The following SREK1 variants were observed in gnomAD, a reference collection of about 807,000 sequenced individuals.
The protein encoded by SREK1 is splicing regulatory glutamic acid and lysine rich protein 1, also known as splicing regulatory glutamine/lysine-rich protein 1.
SREK1 carries 13 observed loss-of-function variants against 66.5 expected under a neutral mutation model. That is an observed-to-expected ratio of 0.20 (90% CI 0.13 to 0.31). The LOEUF (loss-of-function observed/expected upper bound fraction) is 0.31, where lower values mean the gene tolerates loss of function less well. Among genes scored for constraint, SREK1 ranks in the 10% least tolerant of loss-of-function variants. SREK1 has a pLI of 1.00. For synonymous variants in SREK1, 265 were observed against 263.5 expected (o/e 1.01, Z -0.05); for missense variants, 607 against 769.6 (o/e 0.79, Z 2.50).
chr5:66,159,114 CATTT>C, intron 2 of SREK1, 101 bp from the exon 3 acceptor site: 1 of 1,440,328 alleles, frequency 6.9e-7, no homozygotes, highest in African/African-American at 1.4e-5. Flanking sequence ...TAGATAGATT[CATTT>C]ATTATTATTA....
Position 66,180,287 on chromosome 5 carries a change from T to C in SREK1, c.*1419T>C, listed in dbSNP as rs1746394412. The C allele has an allele frequency of 6.6e-6, 1 of 152,566 alleles. No individual in the cohort carries two copies. Among genetic ancestry groups the C allele is most frequent in the African/African-American group, 2.4e-5 (1 of 41,446 alleles). 9.5% of individuals were successfully genotyped at this position (152,566 alleles called of 1,614,324 possible). A position where few individuals can be genotyped will look rare whatever the true frequency, so the allele number is the denominator to read the frequency against. On this transcript the variant is annotated 3_prime_UTR_variant, in exon 12 of 12. Coordinates refer to ENST00000334121, the MANE Select transcript of SREK1 (RefSeq NM_001077199.3). ...CTATAACTTGTGGTTTCTGAACTCA[T>C]TATTGTTGTATTTCCAAAAAAGTAA...
At chr5:66,157,833 T>TTGGAA in intron 2 of SREK1, 1 of 513,752 alleles carries the variant, frequency 1.9e-6, no homozygotes, top group Non-Finnish European at 2.5e-6. Flanking sequence ...TTAAATCAAG[T>TTGGAA]TTTAAATTCC....
At chr5:66,145,670 A>G (rs887189030) in intron 1 of SREK1, among the ~76,000 whole-genome samples, 3 of 151,610 alleles carry the variant, frequency 2.0e-5, no homozygotes, top group African/African-American at 7.3e-5. Flanking sequence ...AGAGTAATAC[A>G]TTGAACATCC....
intron 7 of SREK1, chr5:66,165,123 AAGTT>A (rs1745067223): frequency 2.6e-6 from 1 of 387,492 alleles, no homozygotes; most frequent in Non-Finnish European, 4.5e-6. Context: ...TTATTTTTAG[AAGTT>A]AGTTTTGTGT....
chr5:66,159,911 A>G (rs1199240900), intron 3 of SREK1, among the ~76,000 whole-genome samples: 1 of 151,966 alleles, frequency 6.6e-6, no homozygotes, highest in East Asian at 1.9e-4. Context: ...CAGGTGGATC[A>G]TGAGGTCGGG....
At chr5:66,177,290 C>T in intron 10 of SREK1, 1 of 378,402 alleles carries the variant, frequency 2.6e-6, no homozygotes. Context: ...ATATGGTGGC[C>T]TCTGCCAAAA....
intron 6 of SREK1, chr5:66,164,391 A>G: frequency 2.9e-6 from 1 of 350,086 alleles, no homozygotes; most frequent in Non-Finnish European, 5.2e-6. Flanking sequence ...AAATAATTAA[A>G]AAACCCATTC....
intron 3 of SREK1, among the ~76,000 whole-genome samples, chr5:66,160,862 C>T (rs1241928577): frequency 1.3e-5 from 2 of 151,978 alleles, no homozygotes; most frequent in East Asian, 3.9e-4. Flanking sequence ...TGCTTTTTTC[C>T]TTGAAAGCTC....
At chr5:66,168,182 A>T (rs1003917629) in intron 7 of SREK1, 2 of 152,178 alleles carry the variant, frequency 1.3e-5, no homozygotes, top group Non-Finnish European at 2.9e-5. Context: ...GCCAAATAGT[A>T]GATGAGTAGT....
chr5:66,178,579 T>A, intron 11 of SREK1, 140 bp from the exon 12 acceptor site: 1 of 705,042 alleles, frequency 1.4e-6, no homozygotes, highest in African/African-American at 1.8e-5. Context: ...GTTTGCATAT[T>A]CATTTTGTGT....
At chr5:66,172,824 A>ATT (rs762670649) in intron 9 of SREK1, among the ~76,000 whole-genome samples, 5,585 of 118,160 alleles carry the variant, frequency 0.047, 457 homozygotes, top group African/African-American at 0.16. Flanking sequence ...ATTTCTTTGA[A>ATT]TTTTTTTTTT....
intron 9 of SREK1, chr5:66,174,563 G>C (rs1401963494): frequency 1.3e-5 from 2 of 158,544 alleles, no homozygotes; most frequent in African/African-American, 4.8e-5. Context: ...CAAGGAGCTA[G>C]ATACATGACA....
rs1466662879 is a variant in SREK1 at position 66,162,448 on chromosome 5, A to C, written c.611A>C (p.Lys204Thr). Reference protein sequence around the residue: ...TTADQLLEFFKQVGEVKFVRM... With the variant: ...TTADQLLEFFTQVGEVKFVRM... Reference sequence around the variant, plus strand: ...GCTGATCAACTACTTGAATTTTTTAAACAAGTTGGAGAAGTGAAGTTTGTG... The same window carrying C: ...GCTGATCAACTACTTGAATTTTTTACACAAGTTGGAGAAGTGAAGTTTGTG... Residue 204 changes from lysine (K) to threonine (T), a missense_variant, in exon 5 of 12, where the codon AAA (lysine) becomes ACA (threonine). This residue lies in a region of SREK1 where 99 missense variants were observed against 186.6 expected (regional missense o/e 0.53). Coordinates refer to ENST00000334121, the MANE Select transcript of SREK1 (RefSeq NM_001077199.3). The C allele has an allele frequency of 6.2e-7, 1 of 1,614,050 alleles. No homozygotes were observed. Among genetic ancestry groups the C allele is most frequent in the Admixed American group, 1.7e-5 (1 of 60,016 alleles).
chr5:66,173,436 A>G (rs1745811157), intron 9 of SREK1, among the ~76,000 whole-genome samples: 1 of 152,228 alleles, frequency 6.6e-6, no homozygotes, highest in African/African-American at 2.4e-5. Flanking sequence ...CAACAACCTA[A>G]TAAAACTTGA....
At position 66,181,092 on chromosome 5, in the gene SREK1, A is replaced by C. The variant is rs548610772; in HGVS notation, c.*2224A>C. 1 of 152,320 alleles carries C rather than the reference A, an allele frequency of 6.6e-6. No homozygotes were observed. Among genetic ancestry groups the C allele is most frequent in the East Asian group, 1.9e-4 (1 of 5,190 alleles). 9.4% of individuals were successfully genotyped at this position (152,320 alleles called of 1,614,324 possible). On this transcript the variant is annotated 3_prime_UTR_variant, in exon 12 of 12. Coordinates refer to ENST00000334121, the MANE Select transcript of SREK1 (RefSeq NM_001077199.3). ...AACATTTAATTTGGTTCTTGCTGCTAATTATTTTCTCTGCTGATATTTATT... is the reference window on the plus strand; with the variant it reads ...AACATTTAATTTGGTTCTTGCTGCTCATTATTTTCTCTGCTGATATTTATT...
chr5:66,153,653 T>C, intron 2 of SREK1, 57 bp downstream of exon 2: 5 of 1,608,188 alleles, frequency 3.1e-6, no homozygotes, highest in Non-Finnish European at 3.4e-6. Context: ...TGTTATTGCC[T>C]TTAGCTTTCC....
intron 2 of SREK1, chr5:66,158,697 ATTTG>A: frequency 1.0e-6 from 1 of 961,782 alleles, no homozygotes; most frequent in Non-Finnish European, 1.4e-6. Context: ...ATTCGCACAT[ATTTG>A]TTTTTTCTTT....
rs1266249914 is a variant in SREK1, at chr5:66,180,231, G to GTGACA, written c.*1364_*1368dup. 1 of 152,562 alleles carries GTGACA rather than the reference G, an allele frequency of 6.6e-6. No homozygotes were observed. The highest frequency in any genetic ancestry group is 2.4e-5 in the African/African-American group (1 of 41,438). 9.5% of individuals were successfully genotyped at this position (152,562 alleles called of 1,614,324 possible). ...TTACAGAAAGTATGCAAATAGTAAA[G>GTGACA]TGACAGCACTGCTAATGTTTTTCCC... is the stretch of plus-strand genomic sequence containing the variant. On this transcript the variant is annotated 3_prime_UTR_variant, in exon 12 of 12. Transcript: ENST00000334121.
intron 10 of SREK1, among the ~76,000 whole-genome samples, chr5:66,175,931 T>G (rs1746020207): frequency 6.6e-6 from 1 of 152,160 alleles, no homozygotes; most frequent in African/African-American, 2.4e-5. Context: ...TTACAAAGGT[T>G]TTTCATTTTT....
Sources: allele counts gnomAD v4.1 joint callset (sites outside exome capture counted in the v4.1 genomes callset), GRCh38; gene constraint gnomAD v4.1.1; regional missense constraint gnomAD v4.1.1; transcripts MANE v1.5; gene names NCBI Gene and HGNC (gene_info 2026-07-23, HGNC 2026-07-21).